Variants in LMO4 observed in about 807,000 individuals in gnomAD.
The protein encoded by LMO4 is LIM domain transcription factor LMO4.
Under a neutral mutation model 18.5 loss-of-function variants are expected in LMO4, and 3 were observed. That is an observed-to-expected ratio of 0.16 (90% CI 0.07 to 0.42). The LOEUF is 0.42. Ranked by LOEUF, LMO4 falls within the 10% of genes least tolerant of loss-of-function variation. The pLI is 0.99. For synonymous variants in LMO4, 100 were observed against 88.1 expected (o/e 1.14, Z -0.76); for missense variants, 121 against 219.9 (o/e 0.55, Z 2.84).
At chr1:87,336,167 G>A (rs1223085357) in intron 2 of LMO4, among the ~76,000 whole-genome samples, 1 of 152,128 alleles carries the variant, frequency 6.6e-6, no homozygotes, top group Non-Finnish European at 1.5e-5. Context: ...GCATTTCTTT[G>A]TTACATTTAA....
chr1:87,338,917 AAGAG>A (rs950540618), intron 2 of LMO4, among the ~76,000 whole-genome samples: 6 of 152,204 alleles, frequency 3.9e-5, no homozygotes, highest in Admixed American at 3.9e-4. Context: ...TTTCATTATC[AAGAG>A]AGAGAGAAGG....
intron 1 of LMO4, among the ~76,000 whole-genome samples, chr1:87,329,889 G>T (rs1390060589): frequency 1.3e-5 from 2 of 152,102 alleles, no homozygotes; most frequent in African/African-American, 4.8e-5. Context: ...GTTAAAGGGG[G>T]GCAGATTTTG....
chr1:87,342,542 T>C (rs567048663), intron 4 of LMO4, among the ~76,000 whole-genome samples: 1 of 152,246 alleles, frequency 6.6e-6, no homozygotes, highest in Non-Finnish European at 1.5e-5. Context: ...AAGAGACAGG[T>C]GGCCTTCAAA....
Position 87,345,387 on chromosome 1 carries a change from GA to G in LMO4, c.*601del, listed in dbSNP as rs72070910. ...CTAATGTTGCTACTCCCATGGCAAA[GA>G]AAAAAAAAAGAATGAAAAAAAGAAA... On this transcript the variant is annotated 3_prime_UTR_variant, in exon 5 of 5. Transcript: ENST00000370544. 5.3e-4 allele frequency: 62 copies of G among 116,336 alleles called. No homozygotes were observed. Among genetic ancestry groups the G allele is most frequent in the Non-Finnish European group, 9.0e-4 (47 of 52,338 alleles). The allele number at this position is 116,336 out of a possible 1,614,324, so 7.2% of individuals were successfully genotyped here.
At chr1:87,335,222 A>G (rs1650269910) in intron 2 of LMO4, among the ~76,000 whole-genome samples, 1 of 152,134 alleles carries the variant, frequency 6.6e-6, no homozygotes, top group African/African-American at 2.4e-5. Flanking sequence ...TCTTCCTCGA[A>G]CCGTCTTTCC....
At chr1:87,330,199 C>CA (rs147603414) in intron 1 of LMO4, among the ~76,000 whole-genome samples, 18,029 of 146,562 alleles carry the variant, frequency 0.12, 1,397 homozygotes, top group African/African-American at 0.22. Context: ...GTTTCCTTTT[C>CA]AAAAAAAAAA....
At chr1:87,335,512 G>C (rs1453391045) in intron 2 of LMO4, among the ~76,000 whole-genome samples, 3 of 151,996 alleles carry the variant, frequency 2.0e-5, no homozygotes, top group Non-Finnish European at 2.9e-5. Context: ...TTCTTTCCCC[G>C]GGCTCCACTC....
chr1:87,333,104 A>G (rs57859570), intron 2 of LMO4, among the ~76,000 whole-genome samples: 8,934 of 152,304 alleles, frequency 0.059, 484 homozygotes, highest in African/African-American at 0.14. Context: ...AGTCTTTTCC[A>G]ACAAGTTGCA....
In LMO4 at chr1:87,345,073, A is replaced by C; in HGVS notation, c.*277A>C. ...GAGGACATCTTGGGGAGGGGGAGGG[A>C]GCTGGGGGGGAGGGAAATGACTAAT... On this transcript the variant is annotated 3_prime_UTR_variant, in exon 5 of 5. Coordinates refer to ENST00000370544, the MANE Select transcript of LMO4 (RefSeq NM_006769.4). 2 of 155,546 alleles carry C rather than the reference A, an allele frequency of 1.3e-5. No individual in the cohort carries two copies. The highest frequency in any genetic ancestry group is 2.6e-5 in the Non-Finnish European group (2 of 76,266). 9.6% of individuals were successfully genotyped at this position (155,546 alleles called of 1,614,324 possible).
Position 87,328,882 on chromosome 1 carries a change from A to T in LMO4, c.-366A>T, listed in dbSNP as rs1650044548. ...AGTGAAGCCACATTGCCAAACTTGC[A>T]GCAGCGATTGCAGCAGTTGCTGCCG... is the stretch of plus-strand genomic sequence containing the variant. On this transcript the variant is annotated 5_prime_UTR_variant, in exon 1 of 5. Coordinates refer to ENST00000370544, the MANE Select transcript of LMO4 (RefSeq NM_006769.4). 1 of 152,284 alleles carries T rather than the reference A, an allele frequency of 6.6e-6. No individual in the cohort carries two copies. The highest frequency in any genetic ancestry group is 2.4e-5 in the African/African-American group (1 of 41,336). The allele number at this position is 152,284 out of a possible 1,614,324, so 9.4% of individuals were successfully genotyped here.
Position 87,332,004 on chromosome 1 carries a change from C to T in LMO4, c.-3-9C>T, listed in dbSNP as rs772716997. ...CTTTCTCTCCCTGTCCCCTTCCCGC[C>T]CTCTGCAGACCATGGTGAATCCGGG... On this transcript the variant is annotated splice_polypyrimidine_tract_variant and intron_variant, in intron 1 of 4. Coordinates refer to ENST00000370544, the MANE Select transcript of LMO4 (RefSeq NM_006769.4). 2.5e-6 allele frequency: 4 copies of T among 1,607,894 alleles called. No individual in the cohort carries two copies. Among genetic ancestry groups the T allele is most frequent in the East Asian group, 4.5e-5 (2 of 44,792 alleles).
At chr1:87,339,178 A>C (rs1650402493) in intron 2 of LMO4, among the ~76,000 whole-genome samples, 1 of 152,132 alleles carries the variant, frequency 6.6e-6, no homozygotes, top group South Asian at 2.1e-4. Context: ...AGAGTTCTTC[A>C]TATAATTTCA....
intron 4 of LMO4, among the ~76,000 whole-genome samples, chr1:87,341,116 C>T (rs1650461714): frequency 6.6e-6 from 1 of 152,180 alleles, no homozygotes; most frequent in Non-Finnish European, 1.5e-5. Flanking sequence ...TCATTCCACA[C>T]CGGCCCAGAA....
At chr1:87,336,037 T>C in intron 2 of LMO4, among the ~76,000 whole-genome samples, 1 of 151,328 alleles carries the variant, frequency 6.6e-6, no homozygotes, top group Non-Finnish European at 1.5e-5. Context: ...ATTTTTTTTT[T>C]CCTATTATGC....
At chr1:87,342,408 T>C (rs896680627) in intron 4 of LMO4, among the ~76,000 whole-genome samples, 2 of 152,198 alleles carry the variant, frequency 1.3e-5, no homozygotes, top group East Asian at 1.9e-4. Flanking sequence ...ATGCCTTTCA[T>C]TGAAATCTGT....
chr1:87,348,479 C>A lies in LMO4; in HGVS notation c.*3683C>A. The stretch of plus-strand genomic sequence containing the variant: ...AAACTGCAATTAAAGTATTACTGAG[C>A]AGCCATTTTAGATTGGCAGTGCTCT... On this transcript the variant is annotated 3_prime_UTR_variant, in exon 5 of 5. Coordinates refer to ENST00000370544, the MANE Select transcript of LMO4 (RefSeq NM_006769.4). 3.3e-6 allele frequency: 1 copy of A among 304,954 alleles called. No individual in the cohort carries two copies. The highest frequency in any genetic ancestry group is 2.9e-5 in the South Asian group (1 of 34,016). 18.9% of individuals were successfully genotyped at this position (304,954 alleles called of 1,614,324 possible).
intron 2 of LMO4, 63 bp from the exon 3 acceptor site, chr1:87,339,473 T>G (rs1570653632): frequency 8.1e-7 from 1 of 1,227,538 alleles, no homozygotes; most frequent in South Asian, 1.2e-5. Flanking sequence ...CTGGGGGTGT[T>G]TTTCTTTCTT....
intron 1 of LMO4, chr1:87,331,770 G>T (rs1342065194): frequency 5.7e-6 from 3 of 524,016 alleles, no homozygotes; most frequent in African/African-American, 1.9e-5. Context: ...GCAAGCGCAG[G>T]AAAGTTGAGA....
chr1:87,331,138 G>C (rs1164169330), intron 1 of LMO4: 1 of 139,880 alleles, frequency 7.1e-6, no homozygotes, highest in Admixed American at 8.1e-5. Flanking sequence ...AGATTAGTGA[G>C]ACCAAAGTGG....
Sources: allele counts gnomAD v4.1 joint callset (sites outside exome capture counted in the v4.1 genomes callset), GRCh38; gene constraint gnomAD v4.1.1; transcripts MANE v1.5; gene names NCBI Gene and HGNC (gene_info 2026-07-23, HGNC 2026-07-21).